RARB: variants seen among roughly 807,000 people sequenced by gnomAD.
RARB encodes retinoic acid receptor beta, also known as HBV-activated protein.
A neutral mutation model predicts 51.9 loss-of-function variants in RARB; 17 were observed. The ratio of observed to expected loss-of-function variants is 0.33; its 90% CI spans 0.22 to 0.49. RARB has a LOEUF of 0.49. Among genes scored for constraint, RARB ranks in the 20% least tolerant of loss-of-function variants. The probability of loss-of-function intolerance (pLI) is 0.99; values close to 1 mark genes in which losing one functional copy is unlikely to be tolerated. For missense variants in RARB, 369 were observed against 550.8 expected, an observed-to-expected ratio of 0.67 and a Z score of 3.30; for synonymous variants, 215 against 195.4, an observed-to-expected ratio of 1.10 and a Z score of -0.84.
chr3:25,508,863 T>C (rs558872398), intron 3 of RARB, among the ~76,000 whole-genome samples: 56 of 150,936 alleles, frequency 3.7e-4, no homozygotes, highest in African/African-American at 1.4e-3. Context: ...TTGCCAAATA[T>C]GAATATTTGC....
intron 2 of RARB, among the ~76,000 whole-genome samples, chr3:24,980,799 T>C (rs1307001291): frequency 6.6e-6 from 1 of 152,208 alleles, no homozygotes; most frequent in African/African-American, 2.4e-5. Context: ...TCCAGTTTTG[T>C]TCCCTTGCTG....
intron 1 of RARB, among the ~76,000 whole-genome samples, chr3:25,456,593 C>G (rs1448560518): frequency 1.1e-4 from 4 of 34,882 alleles, no homozygotes; most frequent in Non-Finnish European, 2.0e-4. Context: ...TTGCATTGTT[C>G]TCAGTGTTAT....
intron 2 of RARB, among the ~76,000 whole-genome samples, chr3:24,994,619 A>G (rs1267700821): frequency 1.3e-5 from 2 of 151,844 alleles, no homozygotes; most frequent in Non-Finnish European, 2.9e-5. Flanking sequence ...TAATAGTTTT[A>G]TTGTTTCGGG....
intron 1 of RARB, among the ~76,000 whole-genome samples, chr3:24,844,137 T>G (rs1157522242): frequency 6.6e-6 from 1 of 152,150 alleles, no homozygotes; most frequent in Non-Finnish European, 1.5e-5. Flanking sequence ...TGGAGGGAGA[T>G]GGATGTGCTT....
At chr3:25,547,012 A>G (rs374352608) in intron 3 of RARB, among the ~76,000 whole-genome samples, 10 of 152,182 alleles carry the variant, frequency 6.6e-5, no homozygotes, top group East Asian at 3.9e-4. Context: ...TGCAGCCTTG[A>G]TGGGCTTCCT....
chr3:25,135,747 A>G (rs1306226482), intron 4 of RARB, among the ~76,000 whole-genome samples: 2 of 152,036 alleles, frequency 1.3e-5, no homozygotes. Context: ...TATGAAACAC[A>G]AATAAAAATG....
At chr3:25,369,466 G>GA (rs1383890877) in intron 5 of RARB, among the ~76,000 whole-genome samples, 1 of 152,094 alleles carries the variant, frequency 6.6e-6, no homozygotes, top group Non-Finnish European at 1.5e-5. Flanking sequence ...ATAAGTCAAT[G>GA]AAAAAACTAA....
At chr3:25,257,713 T>C (rs889920143) in intron 5 of RARB, among the ~76,000 whole-genome samples, 2 of 151,978 alleles carry the variant, frequency 1.3e-5, no homozygotes, top group African/African-American at 4.8e-5. Context: ...ATTTACAGAG[T>C]CTTCCAAGAC....
chr3:25,151,359 C>T (rs117402963), intron 4 of RARB, among the ~76,000 whole-genome samples: 1 of 152,186 alleles, frequency 6.6e-6, no homozygotes, highest in South Asian at 2.1e-4. Context: ...AAATTTTGTT[C>T]TCTCTTTTCT....
chr3:25,059,170 GC>G lies in RARB; in HGVS notation c.-379-954del, dbSNP rs1182837564. On this transcript the variant is annotated intron_variant, in intron 2 of 11. Transcript: ENST00000383772. ...CATTTTCTATAATATAATTTTAGTG[GC>G]TGCATAGTATTTAATTACATTGTTG... 3.3e-5 allele frequency among the ~76,000 whole-genome samples: 5 copies of G among 151,706 alleles called. No individual in the cohort carries two copies. The South Asian group carries it at 1.0e-3, about 31-fold the overall frequency.
intron 5 of RARB, among the ~76,000 whole-genome samples, chr3:25,333,506 C>A (rs988158240): frequency 1.3e-4 from 20 of 152,048 alleles, no homozygotes; most frequent in Non-Finnish European, 2.4e-4. Flanking sequence ...CCCTTCCTTA[C>A]ACCTTATACA....
rs572604538 is a variant in RARB, at chr3:25,257,994, C to T, written c.178+83419C>T. Among the ~76,000 whole-genome samples, 14 of 152,248 alleles carry T rather than the reference C, an allele frequency of 9.2e-5. No homozygotes were observed. The East Asian group carries it at 9.7e-4, about 11-fold the overall frequency. ...CATAGCAATGGCATTTACTGACTTA[C>T]GTTGTAATGATCCATTTGTGTACAT... On this transcript the variant is annotated intron_variant, in intron 5 of 11. Coordinates refer to the RARB transcript ENST00000383772.
At chr3:25,244,485 G>C (rs2125397983) in intron 5 of RARB, among the ~76,000 whole-genome samples, 2 of 152,256 alleles carry the variant, frequency 1.3e-5, no homozygotes, top group South Asian at 2.1e-4. Context: ...TGCTTTAGCT[G>C]TGTCTAAGAG....
chr3:25,411,589 C>G (rs1041152104), intron 5 of RARB, among the ~76,000 whole-genome samples: 1 of 152,204 alleles, frequency 6.6e-6, no homozygotes, highest in Non-Finnish European at 1.5e-5. Context: ...GCCTCACGCA[C>G]TAAATGCCAG....
At chr3:25,171,643 TAA>T (rs770248970) in intron 4 of RARB, among the ~76,000 whole-genome samples, 56 of 45,468 alleles carry the variant, frequency 1.2e-3, no homozygotes, top group African/African-American at 3.7e-3. Flanking sequence ...CCCTGGTTGG[TAA>T]AAAAAAAAAA....
Position 24,832,628 on chromosome 3 carries a change from A to AATATAT in RARB, c.-459+3243_-459+3248dup, listed in dbSNP as rs10526610. Among the ~76,000 whole-genome samples the AATATAT allele has an allele frequency of 8.1e-3, 715 of 88,416 alleles. 38 individuals are homozygous for AATATAT. Among genetic ancestry groups the AATATAT allele is most frequent in the Admixed American group, 9.3e-3 (69 of 7,446 alleles). The allele number at this position is 88,416 out of a possible 152,430, so 58.0% of individuals were successfully genotyped here. On this transcript the variant is annotated intron_variant, in intron 1 of 11. Transcript: ENST00000383772. ...CTGTATTTAGAAAAAATTGAGTCCC[A>AATATAT]ATATATATATATATATATATATAAT...
rs183383612 is a variant in RARB at position 25,405,676 on chromosome 3, G to C, written c.179-55517G>C. 3.4e-3 allele frequency among the ~76,000 whole-genome samples: 514 copies of C among 152,360 alleles called. 3 individuals carry two copies. Among genetic ancestry groups the C allele is most frequent in the African/African-American group, 0.012 (494 of 41,582 alleles). On this transcript the variant is annotated intron_variant, in intron 5 of 11. Coordinates refer to the RARB transcript ENST00000383772. Reference sequence around the variant, plus strand: ...TAAATGAAATGAAATAAAAAATTCTGTTGTTCAGTCATAGTATCTTCACTC... The same window carrying C: ...TAAATGAAATGAAATAAAAAATTCTCTTGTTCAGTCATAGTATCTTCACTC...
chr3:25,501,431 A>C, intron 3 of RARB, 108 bp downstream of exon 3: 1 of 1,384,514 alleles, frequency 7.2e-7, no homozygotes, highest in Non-Finnish European at 9.8e-7. Flanking sequence ...AATCTTGCCA[A>C]GGGTAGGTGT....
rs1450398720 is a variant in RARB, at chr3:25,107,158, C to T, written c.-327-25003C>T. 4.6e-5 allele frequency among the ~76,000 whole-genome samples: 7 copies of T among 152,340 alleles called. No homozygotes were observed. In the East Asian group the frequency reaches 9.6e-4, roughly 21 times the overall value. On this transcript the variant is annotated intron_variant, in intron 3 of 11. Transcript: ENST00000383772. ...TCAGGTGATCTACCTGCCTCGGCCT[C>T]CCAAAGTGCTGGGATTACAGGCATT...
Sources: gnomAD v4.1 joint callset for allele counts (sites outside exome capture counted in the v4.1 genomes callset) on GRCh38, gnomAD v4.1.1 for gene constraint, MANE v1.5 for transcripts, NCBI Gene and HGNC (gene_info 2026-07-23, HGNC 2026-07-21) for gene names.